The following YY1 variants were observed in gnomAD, a reference collection of about 807,000 sequenced individuals.
YY1 encodes transcriptional repressor protein YY1.
Under a neutral mutation model 35.6 loss-of-function variants are expected in YY1, and 2 were observed. The ratio of observed to expected loss-of-function variants is 0.06; its 90% confidence interval spans 0.02 to 0.18. The LOEUF (loss-of-function observed/expected upper bound fraction) is 0.18. Ranked by LOEUF, YY1 falls within the 10% of genes least tolerant of loss-of-function variation. The probability of loss-of-function intolerance (pLI) is 1.00; values close to 1 mark genes in which losing one functional copy is unlikely to be tolerated. For missense variants in YY1, 322 were observed against 573.4 expected (o/e 0.56, Z 4.48); for synonymous variants, 268 against 238.9 (o/e 1.12, Z -1.12).
intron 1 of YY1, among the ~76,000 whole-genome samples, chr14:100,257,666 C>G (rs141864422): frequency 2.6e-5 from 4 of 152,184 alleles, no homozygotes; most frequent in African/African-American, 9.6e-5. Flanking sequence ...GGGAGTAGGT[C>G]CTCACCAAGA....
At chr14:100,254,784 T>A (rs886960006) in intron 1 of YY1, among the ~76,000 whole-genome samples, 6 of 149,408 alleles carry the variant, frequency 4.0e-5, no homozygotes, top group East Asian at 2.0e-4. Context: ...TATTTTTTTT[T>A]TTTTTTGAGT....
chr14:100,255,960 A>G (rs901638127), intron 1 of YY1, among the ~76,000 whole-genome samples: 4 of 151,990 alleles, frequency 2.6e-5, no homozygotes, highest in Non-Finnish European at 4.4e-5. Context: ...TAATCTTACA[A>G]TGTCTTTCTG....
At chr14:100,268,895 C>T (rs1891192399) in intron 2 of YY1, among the ~76,000 whole-genome samples, 1 of 152,186 alleles carries the variant, frequency 6.6e-6, no homozygotes, top group Admixed American at 6.5e-5. Flanking sequence ...TTTCATCTCC[C>T]TTTCTGGGAT....
At position 100,277,143 on chromosome 14, in the gene YY1, A is replaced by G; in HGVS notation, c.1063-275A>G. On this transcript the variant is annotated intron_variant, in intron 4 of 4. Coordinates refer to ENST00000262238, the MANE Select transcript of YY1 (RefSeq NM_003403.5). This position sits in a 1 kb window ranked among gnomAD's most constrained non-coding sequence, Gnocchi z 5.6. ...TAATCATTTGTATTTTACTGTTGGA[A>G]ATGTTTACAGCAGCACTAGGACTCT... The G allele has an allele frequency of 1.9e-6, 1 of 533,236 alleles. No individual in the cohort carries two copies. The highest frequency in any genetic ancestry group is 3.4e-6 in the Non-Finnish European group (1 of 296,282). The allele number at this position is 533,236 out of a possible 1,614,324, so 33.0% of individuals were successfully genotyped here.
intron 1 of YY1, among the ~76,000 whole-genome samples, chr14:100,257,761 A>G (rs145513185): frequency 1.3e-5 from 2 of 152,270 alleles, no homozygotes; most frequent in African/African-American, 4.8e-5. Flanking sequence ...CCTAATCTAT[A>G]TTTTTGTTGT....
At chr14:100,241,487 A>G (rs1241546234) in intron 1 of YY1, among the ~76,000 whole-genome samples, 1 of 152,232 alleles carries the variant, frequency 6.6e-6, no homozygotes. Context: ...AGGAGCTGTC[A>G]AAATCTAATA....
intron 2 of YY1, among the ~76,000 whole-genome samples, chr14:100,265,861 C>A (rs2139593332): frequency 6.6e-6 from 1 of 152,142 alleles, no homozygotes; most frequent in South Asian, 2.1e-4. Context: ...CTTGGCCAGG[C>A]TGGTCTTGAA....
In YY1 at chr14:100,277,607, G is replaced by C; in HGVS notation, c.*7G>C. The C allele has an allele frequency of 6.2e-7, 1 of 1,614,070 alleles. No homozygotes were observed. Among genetic ancestry groups the C allele is most frequent in the Non-Finnish European group, 8.5e-7 (1 of 1,179,952 alleles). On this transcript the variant is annotated 3_prime_UTR_variant, in exon 5 of 5. Transcript: ENST00000262238. The surrounding 1 kb of genome is among the most constrained non-coding windows in gnomAD (Gnocchi z 5.6). ...GGCCAAAAACAACCAGTGAAAAGAA[G>C]AGAGAAGACCCTTCTCGACCACGGG...
chr14:100,271,807 GCTAA>G (rs1380030861), intron 2 of YY1, among the ~76,000 whole-genome samples: 1 of 152,058 alleles, frequency 6.6e-6, no homozygotes, highest in African/African-American at 2.4e-5. Context: ...ACCACGCCTG[GCTAA>G]CTTTTTATTT....
At chr14:100,246,562 C>A (rs1391017850) in intron 1 of YY1, among the ~76,000 whole-genome samples, 1 of 152,226 alleles carries the variant, frequency 6.6e-6, no homozygotes, top group African/African-American at 2.4e-5. Flanking sequence ...AATCATTATT[C>A]TGTTACACTG....
At position 100,280,589 on chromosome 14, in the gene YY1, ATT is replaced by A. The variant is rs1891403292; in HGVS notation, c.*2991_*2992del. 1 of 151,964 alleles carries A rather than the reference ATT, an allele frequency of 6.6e-6. No homozygotes were observed. Among genetic ancestry groups the A allele is most frequent in the Non-Finnish European group, 1.5e-5 (1 of 67,992 alleles). The allele number at this position is 151,964 out of a possible 1,614,324, so 9.4% of individuals were successfully genotyped here. ...CTTTGCCTAGATTCAAGGCCTGAGGATTTGAGGAAAATCGGGATTTTTTTTTT... is the reference window on the plus strand; with the variant it reads ...CTTTGCCTAGATTCAAGGCCTGAGGATGAGGAAAATCGGGATTTTTTTTTT... On this transcript the variant is annotated 3_prime_UTR_variant, in exon 5 of 5. Transcript: ENST00000262238.
At chr14:100,258,502 C>T (rs1042163411) in intron 1 of YY1, among the ~76,000 whole-genome samples, 4 of 152,154 alleles carry the variant, frequency 2.6e-5, no homozygotes, top group Non-Finnish European at 2.9e-5. Flanking sequence ...AACAGTTAAG[C>T]ATATAAATCT....
intron 2 of YY1, among the ~76,000 whole-genome samples, chr14:100,268,426 C>T (rs1891186080): frequency 6.6e-6 from 1 of 152,118 alleles, no homozygotes; most frequent in Non-Finnish European, 1.5e-5. Context: ...AGTGAGTGGT[C>T]CAGTGAGTTC....
intron 2 of YY1, chr14:100,263,980 G>C (rs4468532): frequency 0.26 from 39,226 of 152,032 alleles, 5,140 homozygotes; most frequent in Middle Eastern, 0.36. Flanking sequence ...CTCCCGAGTA[G>C]CTGGAACTAC....
intron 2 of YY1, among the ~76,000 whole-genome samples, chr14:100,264,470 C>T (rs894768388): frequency 1.3e-5 from 2 of 152,194 alleles, no homozygotes; most frequent in African/African-American, 2.4e-5. Context: ...CTGCACCCAG[C>T]TGGCCCTAGA....
intron 1 of YY1, among the ~76,000 whole-genome samples, chr14:100,255,593 TG>T (rs1595320793): frequency 6.6e-6 from 1 of 152,050 alleles, no homozygotes; most frequent in Non-Finnish European, 1.5e-5. Flanking sequence ...CACTCCAACC[TG>T]GGGGGGACAG....
chr14:100,241,495 A>G (rs1254629166), intron 1 of YY1, among the ~76,000 whole-genome samples: 2 of 152,208 alleles, frequency 1.3e-5, no homozygotes, highest in Non-Finnish European at 2.9e-5. Flanking sequence ...TCAAAATCTA[A>G]TAGGAAGGTG....
intron 2 of YY1, among the ~76,000 whole-genome samples, chr14:100,272,965 G>GT (rs368896214): frequency 0.33 from 42,428 of 127,444 alleles, 6,869 homozygotes; most frequent in South Asian, 0.56. Flanking sequence ...TTTTTTTTTT[G>GT]TTTTTTTTTT....
intron 1 of YY1, among the ~76,000 whole-genome samples, chr14:100,251,015 A>G (rs1890916668): frequency 6.6e-6 from 1 of 152,156 alleles, no homozygotes. Context: ...AGAGAGAGAA[A>G]TAATATATAA....
Sources: allele counts gnomAD v4.1 joint callset (sites outside exome capture counted in the v4.1 genomes callset), GRCh38; gene constraint gnomAD v4.1.1; non-coding constraint Gnocchi (gnomAD v3.1); transcripts MANE v1.5; gene names NCBI Gene and HGNC (gene_info 2026-07-23, HGNC 2026-07-21).